The following CTNND2 variants were observed in gnomAD, a reference collection of about 807,000 sequenced individuals.
CTNND2 encodes the protein catenin delta-2.
In CTNND2, 22 loss-of-function variants were observed where a neutral mutation model predicts 144.4. That is an observed-to-expected ratio of 0.15 (90% CI 0.11 to 0.22). The LOEUF (loss-of-function observed/expected upper bound fraction) is 0.22. Ranked by LOEUF, CTNND2 falls within the 10% of genes least tolerant of loss-of-function variation. The pLI is 1.00. For synonymous variants in CTNND2, 751 were observed against 695.6 expected (o/e 1.08, Z -1.25); for missense variants, 1,353 against 1,618.8 (o/e 0.84, Z 2.82).
At chr5:11,567,846 AT>A (rs1777243417) in intron 2 of CTNND2, among the ~76,000 whole-genome samples, 1 of 152,278 alleles carries the variant, frequency 6.6e-6, no homozygotes. Flanking sequence ...TCCTCTAGAC[AT>A]GTAATCATCT....
Position 11,805,759 on chromosome 5 carries a change from T to C in CTNND2, c.38-73487A>G, listed in dbSNP as rs138269206. 2.0e-3 allele frequency among the ~76,000 whole-genome samples: 300 copies of C among 152,190 alleles called. 2 individuals carry two copies. Among genetic ancestry groups the C allele is most frequent in the African/African-American group, 6.9e-3 (287 of 41,542 alleles). On this transcript the variant is annotated intron_variant, in intron 1 of 21. Transcript: ENST00000304623. The stretch of plus-strand genomic sequence containing the variant: ...CATGCAGAATTCCACGTAACTCACA[T>C]AGAACATAGATCCACCAGCCTTAAA...
intron 9 of CTNND2, among the ~76,000 whole-genome samples, chr5:11,343,483 A>G (rs1024237235): frequency 2.6e-5 from 4 of 152,124 alleles, no homozygotes; most frequent in South Asian, 2.1e-4. Flanking sequence ...ATTCTTCCCA[A>G]CTCCTACACA....
intron 2 of CTNND2, among the ~76,000 whole-genome samples, chr5:11,586,051 C>G (rs980984276): frequency 2.0e-5 from 3 of 152,134 alleles, no homozygotes; most frequent in Admixed American, 6.5e-5. Context: ...GCAGGGACTT[C>G]TGCTCTGCAT....
At chr5:11,860,069 C>A (rs953933493) in intron 1 of CTNND2, among the ~76,000 whole-genome samples, 3 of 152,178 alleles carry the variant, frequency 2.0e-5, no homozygotes, top group Non-Finnish European at 4.4e-5. Flanking sequence ...CAACTGTGAT[C>A]AATCGGATTA....
chr5:11,294,440 A>C (rs1430667060), intron 9 of CTNND2, among the ~76,000 whole-genome samples: 1 of 152,158 alleles, frequency 6.6e-6, no homozygotes, highest in East Asian at 1.9e-4. Flanking sequence ...TTTTTCTTGA[A>C]AAGGGAAAAA....
intron 5 of CTNND2, among the ~76,000 whole-genome samples, chr5:11,410,531 T>C (rs1243131044): frequency 1.3e-5 from 2 of 152,172 alleles, no homozygotes; most frequent in East Asian, 3.8e-4. Flanking sequence ...CCTATTTTAA[T>C]GATGAAATTT....
At chr5:11,774,446 T>A (rs1790125006) in intron 1 of CTNND2, among the ~76,000 whole-genome samples, 1 of 147,868 alleles carries the variant, frequency 6.8e-6, no homozygotes, top group East Asian at 2.1e-4. Context: ...ATATACCTAA[T>A]GCTAGATGAC....
chr5:11,435,039 G>T (rs938327605), intron 3 of CTNND2, among the ~76,000 whole-genome samples: 1 of 151,906 alleles, frequency 6.6e-6, no homozygotes, highest in Non-Finnish European at 1.5e-5. Flanking sequence ...CAGAAATAGA[G>T]ATATTCAGTG....
At chr5:11,543,253 C>T (rs1196956507) in intron 3 of CTNND2, among the ~76,000 whole-genome samples, 1 of 152,176 alleles carries the variant, frequency 6.6e-6, no homozygotes, top group Non-Finnish European at 1.5e-5. Flanking sequence ...TGAAATATAA[C>T]AGGAACTAAT....
chr5:11,196,589 C>T (rs1250222051), intron 11 of CTNND2, among the ~76,000 whole-genome samples: 1 of 152,226 alleles, frequency 6.6e-6, no homozygotes, highest in African/African-American at 2.4e-5. Context: ...AATTCCTAAA[C>T]AGATTTGCAG....
intron 1 of CTNND2, among the ~76,000 whole-genome samples, chr5:11,792,497 A>G (rs548071035): frequency 2.0e-5 from 3 of 152,314 alleles, no homozygotes; most frequent in East Asian, 1.9e-4. Context: ...GTCTGCAAAT[A>G]TAAGAAAGAG....
At chr5:11,485,517 T>A (rs1768737989) in intron 3 of CTNND2, among the ~76,000 whole-genome samples, 1 of 152,140 alleles carries the variant, frequency 6.6e-6, no homozygotes, top group Non-Finnish European at 1.5e-5. Flanking sequence ...AAATCAGCTA[T>A]CAAAATATAC....
intron 2 of CTNND2, among the ~76,000 whole-genome samples, chr5:11,646,218 C>T (rs142467857): frequency 2.2e-4 from 33 of 152,128 alleles, no homozygotes; most frequent in African/African-American, 6.3e-4. Context: ...TGAATATTTA[C>T]CATGTTATGT....
chr5:11,261,821 A>G (rs1379015152), intron 9 of CTNND2, among the ~76,000 whole-genome samples: 1 of 152,232 alleles, frequency 6.6e-6, no homozygotes, highest in African/African-American at 2.4e-5. Flanking sequence ...GAATGGGCCC[A>G]CAATTTTCCC....
Position 11,903,250 on chromosome 5 carries a change from C to T in CTNND2, c.37+567G>A. 2 of 985,500 alleles carry T rather than the reference C, an allele frequency of 2.0e-6. No individual in the cohort carries two copies. The highest frequency in any genetic ancestry group is 4.7e-5 in the South Asian group (1 of 21,292). 61.0% of individuals were successfully genotyped at this position (985,500 alleles called of 1,614,324 possible). A position where few individuals can be genotyped will look rare whatever the true frequency, so the allele number is the denominator to read the frequency against. Reference sequence around the variant, plus strand: ...AAGCCCCCGAAACCTGTGAAGCCGGCTGCAAAGGCTTGCTGGGAAGCCGCT... The same window carrying T: ...AAGCCCCCGAAACCTGTGAAGCCGGTTGCAAAGGCTTGCTGGGAAGCCGCT... On this transcript the variant is annotated intron_variant, in intron 1 of 21. Transcript: ENST00000304623. The surrounding 1 kb of genome is among the most constrained non-coding windows in gnomAD (Gnocchi z 5.4).
chr5:11,011,689 C>T (rs146391546), intron 18 of CTNND2, among the ~76,000 whole-genome samples: 19 of 152,294 alleles, frequency 1.2e-4, no homozygotes, highest in African/African-American at 4.1e-4. Flanking sequence ...AGTAACTTTA[C>T]AGGGTCTGTT....
intron 16 of CTNND2, among the ~76,000 whole-genome samples, chr5:11,063,932 C>T (rs922960524): frequency 6.6e-6 from 1 of 152,114 alleles, no homozygotes; most frequent in South Asian, 2.1e-4. Context: ...AATACGCTGA[C>T]ACAGGCATCC....
chr5:11,176,417 C>A (rs1370747048), intron 11 of CTNND2, among the ~76,000 whole-genome samples: 1 of 152,100 alleles, frequency 6.6e-6, no homozygotes, highest in Admixed American at 6.6e-5. Flanking sequence ...TCATTGTTGA[C>A]AATGGACATT....
intron 2 of CTNND2, among the ~76,000 whole-genome samples, chr5:11,579,261 G>A (rs1390853291): frequency 6.6e-6 from 1 of 151,552 alleles, no homozygotes; most frequent in Non-Finnish European, 1.5e-5. Context: ...GAACTTGTAA[G>A]AATGTAGCAG....
Sources: gnomAD v4.1 joint callset for allele counts (sites outside exome capture counted in the v4.1 genomes callset) on GRCh38, gnomAD v4.1.1 for gene constraint, Gnocchi (gnomAD v3.1) non-coding constraint, MANE v1.5 for transcripts, NCBI Gene and HGNC (gene_info 2026-07-23, HGNC 2026-07-21) for gene names.